The following PALM2AKAP2 variants were observed in gnomAD, a reference collection of about 807,000 sequenced individuals.
PALM2AKAP2 encodes PALM2 and AKAP2 fusion, also known as PALM2-AKAP2 fusion protein.
Under a neutral mutation model 71.5 loss-of-function variants are expected in PALM2AKAP2, and 37 were observed. The ratio of observed to expected loss-of-function variants is 0.52; its 90% CI spans 0.40 to 0.68. The LOEUF is 0.68. Among genes scored for constraint, PALM2AKAP2 ranks in the 30% least tolerant of loss-of-function variants. PALM2AKAP2 has a pLI of 0.00. For synonymous variants in PALM2AKAP2, 468 were observed against 478.8 expected, an observed-to-expected ratio of 0.98 and a Z score of 0.29; for missense variants, 1,224 against 1,191.8, an observed-to-expected ratio of 1.03 and a Z score of -0.40.
At chr9:110,136,564 G>T (rs961625952) in exon 2 of PALM2AKAP2, 2 of 1,613,214 alleles carry the variant, frequency 1.2e-6, no homozygotes, top group South Asian at 1.1e-5. Context: ...CAGCTAGCCG[G>T]CAGGCACCTC....
chr9:109,818,906 T>G (rs888178606), intron 1 of PALM2AKAP2, among the ~76,000 whole-genome samples: 2 of 152,234 alleles, frequency 1.3e-5, no homozygotes, highest in African/African-American at 4.8e-5. Flanking sequence ...GTATTTCACT[T>G]GGAACATCCA....
In PALM2AKAP2 at chr9:110,116,779, A is replaced by C. The variant is rs538197650; in HGVS notation, c.157-19348A>C. Among the ~76,000 whole-genome samples the C allele has an allele frequency of 2.6e-5, 4 of 152,368 alleles. No individual in the cohort carries two copies. The South Asian group carries it at 6.2e-4, about 24-fold the overall frequency. ...AGTGAAAACGGAAGGTGATATTGTCATACAGCTGTGTAGAGTGAGAGTACT... is the reference window on the plus strand; with the variant it reads ...AGTGAAAACGGAAGGTGATATTGTCCTACAGCTGTGTAGAGTGAGAGTACT... On this transcript the variant is annotated intron_variant, in intron 1 of 3. Transcript: ENST00000374525.
exon 4 of PALM2AKAP2, chr9:110,171,965 T>C (rs1935622474): frequency 6.5e-6 from 1 of 152,674 alleles, no homozygotes; most frequent in South Asian, 2.1e-4. Context: ...TGCAGTTTAC[T>C]TGCCTCTTCA....
chr9:109,644,755 C>T (rs1388522703), intron 1 of PALM2AKAP2, among the ~76,000 whole-genome samples: 1 of 150,166 alleles, frequency 6.7e-6, no homozygotes, highest in African/African-American at 2.5e-5. Flanking sequence ...TTCAAAGTTC[C>T]ACAAATCTCT....
intron 1 of PALM2AKAP2, among the ~76,000 whole-genome samples, chr9:109,822,827 A>G (rs1828045659): frequency 6.6e-6 from 1 of 152,198 alleles, no homozygotes; most frequent in South Asian, 2.1e-4. Flanking sequence ...TGTGATGAAC[A>G]TATGTGTGCA....
chr9:109,825,274 G>A (rs545206821), intron 1 of PALM2AKAP2, among the ~76,000 whole-genome samples: 1 of 152,280 alleles, frequency 6.6e-6, no homozygotes, highest in South Asian at 2.1e-4. Context: ...GAAAACCTAG[G>A]CAATATCTCA....
chr9:109,831,814 T>C (rs1439313670), intron 1 of PALM2AKAP2, among the ~76,000 whole-genome samples: 1 of 152,194 alleles, frequency 6.6e-6, no homozygotes, highest in African/African-American at 2.4e-5. Flanking sequence ...TTCTGATTGC[T>C]GCATTAGTCC....
At chr9:109,927,214 T>G (rs191452894) in intron 5 of PALM2AKAP2, among the ~76,000 whole-genome samples, 127 of 152,316 alleles carry the variant, frequency 8.3e-4, no homozygotes, top group Non-Finnish European at 1.5e-3. Context: ...GAAAGAAGTT[T>G]GAAGGCGGGA....
At chr9:110,091,926 A>G (rs1413181614) in intron 1 of PALM2AKAP2, among the ~76,000 whole-genome samples, 1 of 152,170 alleles carries the variant, frequency 6.6e-6, no homozygotes, top group Non-Finnish European at 1.5e-5. Context: ...TTCTATTGGC[A>G]TGTTTGAGTA....
intron 1 of PALM2AKAP2, among the ~76,000 whole-genome samples, chr9:109,726,381 C>G (rs1015694360): frequency 6.6e-6 from 1 of 152,222 alleles, no homozygotes; most frequent in Non-Finnish European, 1.5e-5. Context: ...CAGCATCTGC[C>G]GGGTCAGCAG....
At chr9:110,070,943 C>T (rs1834191495) in intron 1 of PALM2AKAP2, among the ~76,000 whole-genome samples, 1 of 152,024 alleles carries the variant, frequency 6.6e-6, no homozygotes, top group Admixed American at 6.6e-5. Flanking sequence ...GGGTGGATCA[C>T]TTGAAGTCAG....
intron 1 of PALM2AKAP2, among the ~76,000 whole-genome samples, chr9:109,770,147 GTTGGCCAGACTTC>G (rs1421436772): frequency 6.6e-6 from 1 of 152,186 alleles, no homozygotes; most frequent in Non-Finnish European, 1.5e-5. Context: ...CTGGGTCGGA[GTTGGCCAGACTTC>G]TTGTGCTCTT....
At chr9:109,744,933 C>T (rs560651804) in intron 1 of PALM2AKAP2, among the ~76,000 whole-genome samples, 85 of 152,334 alleles carry the variant, frequency 5.6e-4, no homozygotes, top group Admixed American at 4.6e-3. Flanking sequence ...AGGACTAAGG[C>T]ATCTTCTCCA....
intron 1 of PALM2AKAP2, among the ~76,000 whole-genome samples, chr9:109,676,654 G>A (rs1442710274): frequency 1.3e-5 from 2 of 152,158 alleles, no homozygotes; most frequent in African/African-American, 2.4e-5. Context: ...AAAAGGGCTT[G>A]CATAAATCCC....
chr9:109,855,398 G>T (rs1446854182), intron 1 of PALM2AKAP2, among the ~76,000 whole-genome samples: 1 of 152,162 alleles, frequency 6.6e-6, no homozygotes, highest in African/African-American at 2.4e-5. Flanking sequence ...TTTAATGGCT[G>T]TGTTTTATTT....
intron 1 of PALM2AKAP2, among the ~76,000 whole-genome samples, chr9:110,116,457 T>G (rs1835365536): frequency 1.3e-5 from 2 of 152,170 alleles, no homozygotes; most frequent in African/African-American, 4.8e-5. Context: ...ATTACTAGAT[T>G]GACTCTCCTG....
intron 1 of PALM2AKAP2, among the ~76,000 whole-genome samples, chr9:109,841,239 C>T (rs866879821): frequency 3.3e-5 from 5 of 151,410 alleles, no homozygotes; most frequent in Non-Finnish European, 5.9e-5. Context: ...AGCTGGAAAC[C>T]ATCATTCTCA....
chr9:110,032,505 A>G (rs1833298321), intron 7 of PALM2AKAP2, among the ~76,000 whole-genome samples: 1 of 151,872 alleles, frequency 6.6e-6, no homozygotes, highest in Non-Finnish European at 1.5e-5. Context: ...ATCCTGGCCA[A>G]TATGGTGAAA....
intron 6 of PALM2AKAP2, among the ~76,000 whole-genome samples, chr9:109,988,142 A>G (rs914468674): frequency 6.6e-6 from 1 of 152,250 alleles, no homozygotes; most frequent in South Asian, 2.1e-4. Flanking sequence ...CTGCAGTCTA[A>G]TAAGTGTGTT....
Sources: allele counts gnomAD v4.1 joint callset (sites outside exome capture counted in the v4.1 genomes callset), GRCh38; gene constraint gnomAD v4.1.1; transcripts MANE v1.5; gene names NCBI Gene and HGNC (gene_info 2026-07-23, HGNC 2026-07-21).